THSD7A: variants seen among roughly 807,000 people sequenced by gnomAD.
THSD7A encodes thrombospondin type 1 domain containing 7A, also known as thrombospondin type-1 domain-containing protein 7A.
Under a neutral mutation model 231.3 loss-of-function variants are expected in THSD7A, and 96 were observed. The observed-to-expected ratio is 0.41, with a 90% confidence interval of 0.35 to 0.49. THSD7A has a LOEUF of 0.49. Among genes scored for constraint, THSD7A ranks in the 20% least tolerant of loss-of-function variants. THSD7A has a pLI of 0.05. For missense variants in THSD7A, 2,290 were observed against 2,070.2 expected, an observed-to-expected ratio of 1.11 and a Z score of -2.06; for synonymous variants, 940 against 743.3, an observed-to-expected ratio of 1.26 and a Z score of -4.30.
At chr7:11,546,359 G>C (rs1206833940) in intron 4 of THSD7A, among the ~76,000 whole-genome samples, 3 of 152,128 alleles carry the variant, frequency 2.0e-5, no homozygotes, top group African/African-American at 4.8e-5. Flanking sequence ...TAGCTGACTA[G>C]GAACACCTCA....
intron 1 of THSD7A, among the ~76,000 whole-genome samples, chr7:11,699,864 G>A (rs756613541): frequency 1.5e-4 from 23 of 151,204 alleles, no homozygotes; most frequent in Admixed American, 2.6e-4. Context: ...GGATGGAAAT[G>A]TCAGGGCAAG....
Position 11,375,544 on chromosome 7 carries a change from A to G in THSD7A, c.*250T>C. On this transcript the variant is annotated 3_prime_UTR_variant, in exon 28 of 28. Transcript: ENST00000423059. Reference sequence around the variant, plus strand: ...GTCGGTAGATTTCAGAAAAGATGACATAAAACTTTCAGAATGCAGCATGTA... The same window carrying G: ...GTCGGTAGATTTCAGAAAAGATGACGTAAAACTTTCAGAATGCAGCATGTA... 3.1e-6 allele frequency: 1 copy of G among 327,504 alleles called. No homozygotes were observed. The highest frequency in any genetic ancestry group is 5.5e-6 in the Non-Finnish European group (1 of 181,920). 20.3% of individuals were successfully genotyped at this position (327,504 alleles called of 1,614,324 possible). A position where few individuals can be genotyped will look rare whatever the true frequency, so the allele number is the denominator to read the frequency against.
intron 2 of THSD7A, among the ~76,000 whole-genome samples, chr7:11,599,075 G>T (rs941135295): frequency 6.6e-6 from 1 of 152,184 alleles, no homozygotes; most frequent in Admixed American, 6.6e-5. Context: ...ATCCATTAGG[G>T]CGTCCCTTAG....
In THSD7A at chr7:11,629,979, T is replaced by C. The variant is rs535266997; in HGVS notation, c.1022+6151A>G. ...GATGAGAAAGCTGGGTCCCAGAAAGTGTAAATGACTTGTTCAATACTCTGT... is the reference window on the plus strand; with the variant it reads ...GATGAGAAAGCTGGGTCCCAGAAAGCGTAAATGACTTGTTCAATACTCTGT... On this transcript the variant is annotated intron_variant, in intron 2 of 27. Coordinates refer to ENST00000423059, the MANE Select transcript of THSD7A (RefSeq NM_015204.3). Among the ~76,000 whole-genome samples the C allele has an allele frequency of 2.6e-5, 4 of 152,316 alleles. No homozygotes were observed. The South Asian group carries it at 8.3e-4, about 32-fold the overall frequency.
chr7:11,713,451 G>C (rs946786723), intron 1 of THSD7A, among the ~76,000 whole-genome samples: 1 of 151,204 alleles, frequency 6.6e-6, no homozygotes, highest in Admixed American at 6.6e-5. Context: ...CCCTGCTCAT[G>C]CATGCTCTGA....
chr7:11,617,022 C>G (rs1388975184), intron 2 of THSD7A, among the ~76,000 whole-genome samples: 1 of 152,102 alleles, frequency 6.6e-6, no homozygotes, highest in Non-Finnish European at 1.5e-5. Context: ...AAACATATCA[C>G]AGTGATGCTA....
At chr7:11,402,178 C>G (rs1018939437) in intron 22 of THSD7A, among the ~76,000 whole-genome samples, 1 of 152,166 alleles carries the variant, frequency 6.6e-6, no homozygotes. Context: ...TATTACTGGT[C>G]TATGTGTTGC....
intron 17 of THSD7A, among the ~76,000 whole-genome samples, chr7:11,414,697 A>G (rs991124157): frequency 6.6e-6 from 1 of 152,236 alleles, no homozygotes; most frequent in Non-Finnish European, 1.5e-5. Flanking sequence ...TTCTAAGAAC[A>G]GTAAGAAACC....
At chr7:11,616,918 T>C (rs1781126886) in intron 2 of THSD7A, among the ~76,000 whole-genome samples, 1 of 152,230 alleles carries the variant, frequency 6.6e-6, no homozygotes, top group African/African-American at 2.4e-5. Context: ...AATCATTCAT[T>C]TAAATGTTTT....
At chr7:11,784,705 G>A (rs1456398559) in intron 1 of THSD7A, among the ~76,000 whole-genome samples, 2 of 151,966 alleles carry the variant, frequency 1.3e-5, no homozygotes, top group African/African-American at 2.4e-5. Context: ...ACAGCTTGGA[G>A]CCAATAATTT....
Position 11,482,087 on chromosome 7 carries a change from TCTTA to T in THSD7A, c.1823-109_1823-106del, listed in dbSNP as rs937613009. 4.7e-6 allele frequency: 6 copies of T among 1,283,354 alleles called. No individual in the cohort carries two copies. The African/African-American group carries it at 6.0e-5, about 13-fold the overall frequency. The allele number at this position is 1,283,354 out of a possible 1,614,324, so 79.5% of individuals were successfully genotyped here. ...ATAAGTTACATTATCTTTCTTTTGC[TCTTA>T]CTTAAAAAAACGTAGCCAAAAGAGG... On this transcript the variant is annotated intron_variant, in intron 6 of 27. Transcript: ENST00000423059.
intron 4 of THSD7A, among the ~76,000 whole-genome samples, chr7:11,559,050 G>A (rs976350382): frequency 2.2e-4 from 33 of 152,234 alleles, no homozygotes; most frequent in Middle Eastern, 6.8e-3. Context: ...GGGGAAAGAG[G>A]CCAGGAGCCA....
At chr7:11,707,628 A>G (rs1271321730) in intron 1 of THSD7A, among the ~76,000 whole-genome samples, 1 of 150,898 alleles carries the variant, frequency 6.6e-6, no homozygotes, top group Non-Finnish European at 1.5e-5. Flanking sequence ...CCCAGACAGG[A>G]GAGAAAACTT....
At chr7:11,520,213 G>T (rs1788205082) in intron 6 of THSD7A, 1 of 152,156 alleles carries the variant, frequency 6.6e-6, no homozygotes, top group African/African-American at 2.4e-5. Flanking sequence ...TCAAATAGAG[G>T]TGAGTTTTAA....
chr7:11,423,758 G>C (rs1212273781), intron 16 of THSD7A, among the ~76,000 whole-genome samples: 1 of 152,012 alleles, frequency 6.6e-6, no homozygotes, highest in Admixed American at 6.6e-5. Flanking sequence ...TTACTAGATG[G>C]GTATTCTTGG....
At chr7:11,708,703 T>C (rs1008458367) in intron 1 of THSD7A, among the ~76,000 whole-genome samples, 1 of 150,808 alleles carries the variant, frequency 6.6e-6, no homozygotes, top group Non-Finnish European at 1.5e-5. Flanking sequence ...TTCAAAAGTT[T>C]TGGACCATTC....
intron 14 of THSD7A, among the ~76,000 whole-genome samples, chr7:11,427,198 T>C (rs1423610055): frequency 6.6e-6 from 1 of 152,206 alleles, no homozygotes; most frequent in Non-Finnish European, 1.5e-5. Context: ...GAACATATAA[T>C]TGTAGTAAAC....
rs957974176 is a variant in THSD7A, at chr7:11,636,481, G to A, written c.671C>T (p.Pro224Leu). 8 of 1,613,678 alleles carry A rather than the reference G, an allele frequency of 5.0e-6. No homozygotes were observed. The East Asian group carries it at 1.6e-4, about 31-fold the overall frequency. Residue 224 changes from proline to leucine, a missense_variant, in exon 2 of 28, where the codon CCC (proline) becomes CTC (leucine). Coordinates refer to ENST00000423059, the MANE Select transcript of THSD7A (RefSeq NM_015204.3). The surrounding 1 kb of genome is among the most constrained non-coding windows in gnomAD (Gnocchi z 10.0). ...LQHRTRHVVA[P>L]PQFGGSGCPN... ...ACAGCCAGAGCCTCCGAACTGCGGG[G>A]GCGCCACCACATGACGCGTCCGGTG... is the stretch of plus-strand genomic sequence containing the variant.
chr7:11,721,902 A>C (rs970491173), intron 1 of THSD7A, among the ~76,000 whole-genome samples: 14 of 151,816 alleles, frequency 9.2e-5, no homozygotes, highest in Non-Finnish European at 1.9e-4. Context: ...CTTGCTCTCT[A>C]TGTTCCAAAT....
Sources: allele counts gnomAD v4.1 joint callset (sites outside exome capture counted in the v4.1 genomes callset), GRCh38; gene constraint gnomAD v4.1.1; non-coding constraint Gnocchi (gnomAD v3.1); transcripts MANE v1.5; gene names NCBI Gene and HGNC (gene_info 2026-07-23, HGNC 2026-07-21).